ATP8B4: variants seen among roughly 807,000 people sequenced by gnomAD.
ATP8B4 encodes the protein probable phospholipid-transporting ATPase IM.
A neutral mutation model predicts 145.6 loss-of-function variants in ATP8B4; 133 were observed. The ratio of observed to expected loss-of-function variants is 0.91; its 90% CI spans 0.79 to 1.05. The LOEUF is 1.05. ATP8B4 is among the 50% of genes least tolerant of loss of function. The pLI, the probability that ATP8B4 is intolerant of heterozygous loss-of-function variation, is 0.00. For synonymous variants in ATP8B4, 507 were observed against 492.9 expected (o/e 1.03, Z -0.38); for missense variants, 1,458 against 1,425.2 (o/e 1.02, Z -0.37).
intron 23 of ATP8B4, among the ~76,000 whole-genome samples, chr15:49,881,249 T>C (rs2035364992): frequency 6.6e-6 from 1 of 152,354 alleles, no homozygotes; most frequent in East Asian, 1.9e-4. Context: ...CACCATTATA[T>C]AGTATTTCTA....
chr15:50,142,414 C>T (rs2044224462), intron 1 of ATP8B4, among the ~76,000 whole-genome samples: 1 of 152,116 alleles, frequency 6.6e-6, no homozygotes, highest in South Asian at 2.1e-4. Flanking sequence ...AACATGTCAG[C>T]ACCTCAAAAG....
chr15:49,943,131 A>G (rs1424875361), intron 14 of ATP8B4, among the ~76,000 whole-genome samples: 1 of 152,106 alleles, frequency 6.6e-6, no homozygotes, highest in African/African-American at 2.4e-5. Context: ...AGGAAAAAAA[A>G]TTCACCAAAC....
chr15:50,077,865 G>A (rs2054284277), intron 2 of ATP8B4, among the ~76,000 whole-genome samples: 1 of 152,120 alleles, frequency 6.6e-6, no homozygotes. Context: ...CTGCCTGACT[G>A]GGGCCATTGT....
intron 20 of ATP8B4, 58 bp downstream of exon 20, chr15:49,916,876 C>CT: frequency 1.3e-6 from 2 of 1,502,596 alleles, no homozygotes; most frequent in Non-Finnish European, 9.2e-7. Context: ...ACTCTCTGAT[C>CT]TTTTTTCCCT....
intron 1 of ATP8B4, among the ~76,000 whole-genome samples, chr15:50,145,268 C>G (rs1186263832): frequency 6.6e-6 from 1 of 152,148 alleles, no homozygotes; most frequent in Non-Finnish European, 1.5e-5. Context: ...TTTACTGAAT[C>G]TTAAGGGTTT....
chr15:49,953,054 G>C (rs891109667), intron 14 of ATP8B4, among the ~76,000 whole-genome samples: 1 of 152,092 alleles, frequency 6.6e-6, no homozygotes, highest in African/African-American at 2.4e-5. Flanking sequence ...ACTCAAGGAG[G>C]CTGGAGAGCA....
At chr15:50,022,129 C>T in intron 6 of ATP8B4, among the ~76,000 whole-genome samples, 1 of 136,410 alleles carries the variant, frequency 7.3e-6, no homozygotes, top group East Asian at 2.3e-4. Context: ...ATTGCATGGG[C>T]TCTTTTGCAT....
intron 1 of ATP8B4, among the ~76,000 whole-genome samples, chr15:50,178,871 A>G (rs1163446129): frequency 6.6e-6 from 1 of 152,154 alleles, no homozygotes; most frequent in African/African-American, 2.4e-5. Flanking sequence ...ATATACTGTG[A>G]TGGGGGAGGG....
chr15:50,105,209 T>A (rs892869838), intron 2 of ATP8B4, among the ~76,000 whole-genome samples: 1 of 141,842 alleles, frequency 7.1e-6, no homozygotes, highest in Non-Finnish European at 1.5e-5. Flanking sequence ...AAGAACTTAC[T>A]CATGTAACCA....
At chr15:50,059,364 A>C (rs935095208) in intron 3 of ATP8B4, among the ~76,000 whole-genome samples, 2 of 152,192 alleles carry the variant, frequency 1.3e-5, no homozygotes, top group Non-Finnish European at 2.9e-5. Flanking sequence ...CTACGGGAAC[A>C]ATTCTAAGTA....
chr15:50,164,283 C>T (rs1042283771), intron 1 of ATP8B4, among the ~76,000 whole-genome samples: 3 of 152,244 alleles, frequency 2.0e-5, no homozygotes, highest in Non-Finnish European at 4.4e-5. Flanking sequence ...CCAAGGCCCA[C>T]AGCAAATACC....
chr15:50,054,546 G>A (rs1469446060), intron 3 of ATP8B4, among the ~76,000 whole-genome samples: 2 of 152,106 alleles, frequency 1.3e-5, no homozygotes, highest in African/African-American at 4.8e-5. Context: ...CACTTTGGGA[G>A]GCTGAGGCAG....
At chr15:49,978,006 T>A (rs1049104224) in intron 12 of ATP8B4, among the ~76,000 whole-genome samples, 1 of 152,108 alleles carries the variant, frequency 6.6e-6, no homozygotes, top group African/African-American at 2.4e-5. Context: ...TTCTGTCAAT[T>A]GTACCATGGC....
intron 20 of ATP8B4, among the ~76,000 whole-genome samples, chr15:49,909,834 C>G (rs1281190556): frequency 6.7e-6 from 1 of 149,206 alleles, no homozygotes; most frequent in African/African-American, 2.5e-5. Flanking sequence ...TACCAAGATA[C>G]ATATTGAGGA....
chr15:50,178,999 G>A (rs565955098), intron 1 of ATP8B4, among the ~76,000 whole-genome samples: 8 of 152,248 alleles, frequency 5.3e-5, no homozygotes, highest in African/African-American at 1.7e-4. Flanking sequence ...CCCTAAAGGA[G>A]AGTTGAGATT....
intron 2 of ATP8B4, among the ~76,000 whole-genome samples, chr15:50,093,750 T>C (rs1334136676): frequency 6.6e-6 from 1 of 152,050 alleles, no homozygotes; most frequent in East Asian, 1.9e-4. Context: ...ATATGCAGCA[T>C]CTTAAATAAA....
intron 16 of ATP8B4, among the ~76,000 whole-genome samples, chr15:49,930,858 A>T (rs967018715): frequency 5.5e-4 from 84 of 152,124 alleles, no homozygotes; most frequent in African/African-American, 1.4e-3. Flanking sequence ...TATTTTTAAA[A>T]TTTTTTTATA....
At chr15:50,010,589 T>C (rs924221470) in intron 7 of ATP8B4, among the ~76,000 whole-genome samples, 13 of 152,126 alleles carry the variant, frequency 8.5e-5, no homozygotes, top group African/African-American at 3.1e-4. Context: ...TAAAATCTTT[T>C]GTTCCTATTA....
chr15:49,976,985 AC>A (rs763755644), intron 12 of ATP8B4, among the ~76,000 whole-genome samples: 64 of 152,260 alleles, frequency 4.2e-4, no homozygotes, highest in Middle Eastern at 6.8e-3. Context: ...CCTTGGGAAA[AC>A]AATGGCTGCA....
Sources: allele counts gnomAD v4.1 joint callset (sites outside exome capture counted in the v4.1 genomes callset), GRCh38; gene constraint gnomAD v4.1.1; transcripts MANE v1.5; gene names NCBI Gene and HGNC (gene_info 2026-07-23, HGNC 2026-07-21).